The following KCNT2 variants were observed in gnomAD, a reference collection of about 807,000 sequenced individuals.
The protein encoded by KCNT2 is potassium sodium-activated channel subfamily T member 2.
KCNT2 carries 67 observed loss-of-function variants against 153.8 expected under a neutral mutation model. The observed-to-expected ratio is 0.44, with a 90% CI of 0.36 to 0.53. The LOEUF (loss-of-function observed/expected upper bound fraction) is 0.53. Among genes scored for constraint, KCNT2 ranks in the 20% least tolerant of loss-of-function variants. KCNT2 has a pLI of 0.00. For synonymous variants in KCNT2, 500 were observed against 458.8 expected (o/e 1.09, Z -1.15); for missense variants, 975 against 1,354.8 (o/e 0.72, Z 4.40).
chr1:196,358,076 C>CT (rs1340499751), intron 14 of KCNT2, among the ~76,000 whole-genome samples: 3 of 151,518 alleles, frequency 2.0e-5, no homozygotes, highest in Non-Finnish European at 4.4e-5. Context: ...TAATTTCTAA[C>CT]TATCATTTTC....
chr1:196,515,141 T>A (rs1351457793), intron 1 of KCNT2, among the ~76,000 whole-genome samples: 1 of 152,214 alleles, frequency 6.6e-6, no homozygotes, highest in East Asian at 1.9e-4. Context: ...ACTATGAGGA[T>A]TCTGTTGTAA....
At chr1:196,386,221 T>C (rs1211589213) in intron 13 of KCNT2, among the ~76,000 whole-genome samples, 1 of 152,174 alleles carries the variant, frequency 6.6e-6, no homozygotes, top group African/African-American at 2.4e-5. Context: ...AGTTATTTGA[T>C]AACTGCAACT....
chr1:196,352,869 T>C (rs1159662093), intron 14 of KCNT2, among the ~76,000 whole-genome samples: 1 of 152,144 alleles, frequency 6.6e-6, no homozygotes, highest in Admixed American at 6.6e-5. Flanking sequence ...CTCTACACAC[T>C]GCTTTGAATG....
intron 1 of KCNT2, among the ~76,000 whole-genome samples, chr1:196,499,159 G>A (rs974498584): frequency 6.6e-6 from 1 of 152,128 alleles, no homozygotes; most frequent in Non-Finnish European, 1.5e-5. Context: ...CTAGAACCTG[G>A]AAAAGACAAG....
intron 1 of KCNT2, among the ~76,000 whole-genome samples, chr1:196,568,340 T>C (rs1310861957): frequency 1.3e-5 from 2 of 151,934 alleles, no homozygotes; most frequent in Non-Finnish European, 2.9e-5. Context: ...ACATCTGTAA[T>C]CCCAGCACTT....
chr1:196,586,450 A>G (rs541672528), intron 1 of KCNT2, among the ~76,000 whole-genome samples: 1 of 152,230 alleles, frequency 6.6e-6, no homozygotes, highest in South Asian at 2.1e-4. Context: ...ATTTTGGGGA[A>G]AATTTGTTTG....
At chr1:196,330,955 G>C (rs1371060426) in intron 18 of KCNT2, among the ~76,000 whole-genome samples, 1 of 151,902 alleles carries the variant, frequency 6.6e-6, no homozygotes, top group Admixed American at 6.6e-5. Context: ...TAATATGGTA[G>C]AAGACTAAAG....
chr1:196,377,581 T>C (rs1669080545), intron 13 of KCNT2, among the ~76,000 whole-genome samples: 1 of 151,992 alleles, frequency 6.6e-6, no homozygotes, highest in South Asian at 2.1e-4. Context: ...CTAATGTTTG[T>C]TCACAGCACC....
At chr1:196,568,152 T>C (rs1660327814) in intron 1 of KCNT2, among the ~76,000 whole-genome samples, 1 of 152,178 alleles carries the variant, frequency 6.6e-6, no homozygotes, top group African/African-American at 2.4e-5. Context: ...CACCAGAGAC[T>C]AGTTTCATGA....
chr1:196,333,571 G>A (rs1177866477), intron 17 of KCNT2, among the ~76,000 whole-genome samples: 1 of 151,932 alleles, frequency 6.6e-6, no homozygotes, highest in Non-Finnish European at 1.5e-5. Context: ...TGGGAACACT[G>A]ATTTTTTTTT....
chr1:196,580,660 C>G (rs1661924073), intron 1 of KCNT2, among the ~76,000 whole-genome samples: 1 of 152,028 alleles, frequency 6.6e-6, no homozygotes. Flanking sequence ...TGGTATTGCT[C>G]TAAACAAAAA....
intron 3 of KCNT2, among the ~76,000 whole-genome samples, chr1:196,489,224 C>A (rs889258880): frequency 6.6e-6 from 1 of 151,968 alleles, no homozygotes; most frequent in South Asian, 2.1e-4. Flanking sequence ...TACTAAGGAA[C>A]TTCTTTTACT....
intron 1 of KCNT2, among the ~76,000 whole-genome samples, chr1:196,536,685 G>A (rs1313281237): frequency 2.0e-5 from 3 of 152,114 alleles, no homozygotes; most frequent in Non-Finnish European, 4.4e-5. Context: ...ATTCCAGTCT[G>A]GGGGGTTGTT....
intron 1 of KCNT2, among the ~76,000 whole-genome samples, chr1:196,592,591 G>T (rs1389643563): frequency 6.8e-6 from 1 of 146,152 alleles, no homozygotes; most frequent in East Asian, 2.0e-4. Flanking sequence ...TAGTTAGAAA[G>T]TTATATATTA....
chr1:196,423,409 G>A (rs1016844098), intron 11 of KCNT2, among the ~76,000 whole-genome samples: 1 of 151,746 alleles, frequency 6.6e-6, no homozygotes, highest in East Asian at 1.9e-4. Context: ...CATGCTTTGA[G>A]TAAATTAAGG....
intron 13 of KCNT2, among the ~76,000 whole-genome samples, chr1:196,384,254 T>G (rs16839841): frequency 0.078 from 11,805 of 152,178 alleles, 535 homozygotes; most frequent in Non-Finnish European, 0.085. Flanking sequence ...AAGCTATAAA[T>G]CCTCATAACA....
At chr1:196,474,136 A>G (rs1000210095) in intron 5 of KCNT2, among the ~76,000 whole-genome samples, 5 of 152,130 alleles carry the variant, frequency 3.3e-5, no homozygotes, top group Non-Finnish European at 1.5e-5. Flanking sequence ...AATAATGCAG[A>G]AAAATATGCG....
chr1:196,598,817 A>G (rs1156574740), intron 1 of KCNT2, among the ~76,000 whole-genome samples: 1 of 152,224 alleles, frequency 6.6e-6, no homozygotes, highest in African/African-American at 2.4e-5. Context: ...TAAATAAAGT[A>G]ATACGTAATA....
chr1:196,496,839 A>T (rs1206400062), intron 1 of KCNT2, among the ~76,000 whole-genome samples: 2 of 152,300 alleles, frequency 1.3e-5, no homozygotes, highest in East Asian at 3.9e-4. Flanking sequence ...CCTAACTTGC[A>T]CGTTTGGCAT....
Sources: gnomAD v4.1 joint callset for allele counts (sites outside exome capture counted in the v4.1 genomes callset) on GRCh38, gnomAD v4.1.1 for gene constraint, MANE v1.5 for transcripts, NCBI Gene and HGNC (gene_info 2026-07-23, HGNC 2026-07-21) for gene names.